GALNTL6: variants seen among roughly 807,000 people sequenced by gnomAD.
The protein encoded by GALNTL6 is polypeptide N-acetylgalactosaminyltransferase like 6.
In GALNTL6, 46 loss-of-function variants were observed where a neutral mutation model predicts 73.7. The ratio of observed to expected loss-of-function variants is 0.62; its 90% CI spans 0.49 to 0.80. The LOEUF is 0.80. GALNTL6 is among the 30% of genes least tolerant of loss of function. The probability of loss-of-function intolerance (pLI) is 0.00; values close to 1 mark genes in which losing one functional copy is unlikely to be tolerated. For missense variants in GALNTL6, 604 were observed against 755.0 expected (o/e 0.80, Z 2.34); for synonymous variants, 259 against 263.7 (o/e 0.98, Z 0.17).
chr4:172,518,920 A>G (rs183003738), intron 5 of GALNTL6, among the ~76,000 whole-genome samples: 7 of 151,944 alleles, frequency 4.6e-5, no homozygotes, highest in Admixed American at 3.3e-4. Context: ...CTATTTTCCT[A>G]TCTGCAAACC....
intron 8 of GALNTL6, among the ~76,000 whole-genome samples, chr4:172,918,731 T>C (rs961589588): frequency 2.0e-5 from 3 of 152,140 alleles, no homozygotes; most frequent in Non-Finnish European, 4.4e-5. Context: ...CCAGATGCTG[T>C]GTGTATTATT....
chr4:172,963,115 A>G (rs1750160760), intron 10 of GALNTL6, among the ~76,000 whole-genome samples: 3 of 151,924 alleles, frequency 2.0e-5, no homozygotes, highest in Non-Finnish European at 2.9e-5. Flanking sequence ...TCCTCCTCTC[A>G]GGGCCCACTG....
intron 5 of GALNTL6, among the ~76,000 whole-genome samples, chr4:172,657,566 T>A (rs1291165995): frequency 2.0e-5 from 3 of 152,216 alleles, no homozygotes; most frequent in Non-Finnish European, 2.9e-5. Flanking sequence ...TAGAATTTTT[T>A]AAAAGTTTCT....
chr4:172,653,220 C>T (rs1258075444), intron 5 of GALNTL6, among the ~76,000 whole-genome samples: 1 of 26,316 alleles, frequency 3.8e-5, no homozygotes, highest in East Asian at 1.3e-3. Flanking sequence ...TATTTCTCTT[C>T]TTCCTTTTTT....
intron 2 of GALNTL6, among the ~76,000 whole-genome samples, chr4:171,923,969 A>G (rs1244756587): frequency 1.3e-5 from 2 of 152,108 alleles, no homozygotes; most frequent in African/African-American, 2.4e-5. Flanking sequence ...AGGTACTTGA[A>G]GAAGTTTATT....
intron 5 of GALNTL6, among the ~76,000 whole-genome samples, chr4:172,646,088 C>G (rs1215824365): frequency 1.3e-5 from 2 of 152,030 alleles, no homozygotes; most frequent in Non-Finnish European, 2.9e-5. Context: ...CAATACCATG[C>G]TGTCTTAATT....
At chr4:172,305,356 A>C (rs952538385) in intron 3 of GALNTL6, among the ~76,000 whole-genome samples, 2 of 152,114 alleles carry the variant, frequency 1.3e-5, no homozygotes, top group Non-Finnish European at 2.9e-5. Context: ...ATTTAAATAT[A>C]ATATTTAATT....
chr4:172,310,349 C>G (rs1439519375), intron 3 of GALNTL6, among the ~76,000 whole-genome samples: 1 of 151,918 alleles, frequency 6.6e-6, no homozygotes, highest in African/African-American at 2.4e-5. Context: ...TGGCTTATTG[C>G]AACCTCTGCC....
At chr4:172,118,423 G>A (rs1356138372) in intron 2 of GALNTL6, among the ~76,000 whole-genome samples, 7 of 152,016 alleles carry the variant, frequency 4.6e-5, no homozygotes, top group Admixed American at 3.9e-4. Flanking sequence ...GGAGGGGCCC[G>A]GTGCAGTGGC....
intron 2 of GALNTL6, among the ~76,000 whole-genome samples, chr4:171,960,619 T>C (rs1739192977): frequency 6.6e-6 from 1 of 151,304 alleles, no homozygotes; most frequent in South Asian, 2.1e-4. Context: ...AAATGGCTTC[T>C]GTTTTAAAAC....
intron 5 of GALNTL6, among the ~76,000 whole-genome samples, chr4:172,638,989 C>T (rs761035227): frequency 3.3e-5 from 5 of 151,982 alleles, no homozygotes; most frequent in Non-Finnish European, 5.9e-5. Context: ...ACAGAAGTGG[C>T]GCGCCCTTCT....
At chr4:172,438,504 CTT>C (rs1731717437) in intron 5 of GALNTL6, among the ~76,000 whole-genome samples, 2 of 149,250 alleles carry the variant, frequency 1.3e-5, no homozygotes, top group Admixed American at 6.7e-5. Flanking sequence ...TGTTTAAATT[CTT>C]CAATTCATCA....
At chr4:172,570,544 A>T (rs961097290) in intron 5 of GALNTL6, among the ~76,000 whole-genome samples, 4 of 152,130 alleles carry the variant, frequency 2.6e-5, no homozygotes, top group Non-Finnish European at 5.9e-5. Flanking sequence ...ACATCCCAAC[A>T]CTTTGATCTC....
In GALNTL6 at chr4:172,815,132, A is replaced by G. The variant is rs563045443; in HGVS notation, c.923+1409A>G. 2.2e-4 allele frequency among the ~76,000 whole-genome samples: 33 copies of G among 152,282 alleles called. 1 individual carries two copies. The South Asian group carries it at 5.8e-3, about 27-fold the overall frequency. On this transcript the variant is annotated intron_variant, in intron 7 of 12. Transcript: ENST00000506823. ...AAGGCAACCATCTGAAAGTCTTGAC[A>G]GAGGGGCTTAAGGTGGGACGAGTGA...
At chr4:172,111,439 A>T (rs1732848567) in intron 2 of GALNTL6, among the ~76,000 whole-genome samples, 1 of 151,996 alleles carries the variant, frequency 6.6e-6, no homozygotes, top group Admixed American at 6.6e-5. Flanking sequence ...TTGAAGTTTT[A>T]CTAAACATTA....
intron 5 of GALNTL6, among the ~76,000 whole-genome samples, chr4:172,448,745 G>A (rs1732112608): frequency 6.6e-6 from 1 of 152,120 alleles, no homozygotes. Context: ...GTCTTGGGGA[G>A]CAGACAAGAA....
chr4:171,895,592 G>A (rs796732250), intron 2 of GALNTL6, among the ~76,000 whole-genome samples: 35 of 152,284 alleles, frequency 2.3e-4, no homozygotes, highest in African/African-American at 6.7e-4. Context: ...ACTCATGGAA[G>A]AAGAGAGTAT....
intron 2 of GALNTL6, among the ~76,000 whole-genome samples, chr4:172,198,085 T>C (rs561867978): frequency 1.6e-4 from 24 of 152,174 alleles, no homozygotes; most frequent in Non-Finnish European, 3.4e-4. Context: ...CACTCCAGCC[T>C]GAGCAACAGA....
chr4:173,000,701 A>G (rs1482659892), intron 10 of GALNTL6, among the ~76,000 whole-genome samples: 1 of 152,228 alleles, frequency 6.6e-6, no homozygotes, highest in African/African-American at 2.4e-5. Context: ...ACAGGCATAA[A>G]GATAGACATA....
Sources: gnomAD v4.1 joint callset for allele counts (sites outside exome capture counted in the v4.1 genomes callset) on GRCh38, gnomAD v4.1.1 for gene constraint, MANE v1.5 for transcripts, NCBI Gene and HGNC (gene_info 2026-07-23, HGNC 2026-07-21) for gene names.